TMC1: variants seen among roughly 807,000 people sequenced by gnomAD.
TMC1 encodes the protein transmembrane channel-like protein 1.
TMC1 carries 84 observed loss-of-function variants against 105.8 expected under a neutral mutation model. The observed-to-expected ratio is 0.79, with a 90% confidence interval of 0.67 to 0.95. The LOEUF is 0.95. Among genes scored for constraint, TMC1 ranks in the 40% least tolerant of loss-of-function variants. The pLI is 0.00. For synonymous variants in TMC1, 315 were observed against 311.5 expected, an observed-to-expected ratio of 1.01 and a Z score of -0.12; for missense variants, 817 against 914.1, an observed-to-expected ratio of 0.89 and a Z score of 1.37.
intron 5 of TMC1, among the ~76,000 whole-genome samples, chr9:72,681,336 C>G (rs1465541689): frequency 6.6e-6 from 1 of 151,914 alleles, no homozygotes; most frequent in African/African-American, 2.4e-5. Context: ...TTTTCATAAC[C>G]ACAGAGGGCT....
At chr9:72,743,240 G>A (rs1372160584) in intron 10 of TMC1, among the ~76,000 whole-genome samples, 2 of 150,300 alleles carry the variant, frequency 1.3e-5, no homozygotes, top group Admixed American at 1.3e-4. Context: ...AGTGGCGGGC[G>A]CCTGTAGTCC....
rs776689179 is a variant in TMC1, at chr9:72,772,556, G to A, written c.884+1G>A. ...ACAGCTTTCTGGTTGTCCTCAAAGC[G>A]TAAGTTTCATTTGTCTTTTGGGAAG... On this transcript the variant is annotated splice_donor_variant, in intron 13 of 23. Coordinates refer to ENST00000297784, the MANE Select transcript of TMC1 (RefSeq NM_138691.3). LOFTEE classifies it high-confidence loss of function. 10 of 1,613,744 alleles carry A rather than the reference G, an allele frequency of 6.2e-6. No individual in the cohort carries two copies. Among genetic ancestry groups the A allele is most frequent in the Admixed American group, 5.0e-5 (3 of 59,998 alleles).
chr9:72,688,376 C>T (rs2589616), intron 5 of TMC1, among the ~76,000 whole-genome samples: 33,892 of 151,758 alleles, frequency 0.22, 4,087 homozygotes, highest in East Asian at 0.38. Flanking sequence ...TAAAATAACC[C>T]GACAAACCCC....
At chr9:72,550,724 G>A (rs1823848434) in intron 1 of TMC1, among the ~76,000 whole-genome samples, 1 of 148,878 alleles carries the variant, frequency 6.7e-6, no homozygotes, top group African/African-American at 2.5e-5. Flanking sequence ...GGGGTAAAAA[G>A]GCTGGTGGGT....
intron 17 of TMC1, among the ~76,000 whole-genome samples, chr9:72,801,211 T>A (rs887996351): frequency 6.6e-6 from 1 of 152,216 alleles, no homozygotes; most frequent in East Asian, 1.9e-4. Flanking sequence ...CCCAATGGAT[T>A]TGATAGGTGG....
At chr9:72,598,452 T>C (rs1160564722) in intron 2 of TMC1, among the ~76,000 whole-genome samples, 1 of 152,102 alleles carries the variant, frequency 6.6e-6, no homozygotes, top group Non-Finnish European at 1.5e-5. Flanking sequence ...TTTTTTTTTT[T>C]CTCCCTTAGG....
chr9:72,543,213 A>T (rs1823707239), intron 1 of TMC1, among the ~76,000 whole-genome samples: 1 of 152,070 alleles, frequency 6.6e-6, no homozygotes. Context: ...TTAAGCCAGA[A>T]ATTGGGAACT....
chr9:72,639,897 A>AC (rs1335768332), intron 4 of TMC1, among the ~76,000 whole-genome samples: 1 of 152,130 alleles, frequency 6.6e-6, no homozygotes, highest in African/African-American at 2.4e-5. Context: ...GGCACTACTT[A>AC]CCCCCCAACT....
At chr9:72,547,374 A>C (rs552788467) in intron 1 of TMC1, among the ~76,000 whole-genome samples, 1 of 152,180 alleles carries the variant, frequency 6.6e-6, no homozygotes, top group African/African-American at 2.4e-5. Flanking sequence ...ATACATGAAG[A>C]AACATTTCCA....
intron 1 of TMC1, among the ~76,000 whole-genome samples, chr9:72,572,116 G>A (rs1824297530): frequency 6.6e-6 from 1 of 152,150 alleles, no homozygotes; most frequent in South Asian, 2.1e-4. Flanking sequence ...GATTACAGGT[G>A]TGAGCCACTG....
At chr9:72,596,943 T>C (rs953361872) in intron 2 of TMC1, among the ~76,000 whole-genome samples, 4 of 152,356 alleles carry the variant, frequency 2.6e-5, no homozygotes, top group Admixed American at 1.3e-4. Context: ...AAACCTTAGA[T>C]TCCTACCTCA....
intron 5 of TMC1, among the ~76,000 whole-genome samples, chr9:72,663,881 C>A (rs1215442370): frequency 1.3e-5 from 2 of 152,056 alleles, no homozygotes; most frequent in African/African-American, 4.8e-5. Flanking sequence ...TTTCTATTTT[C>A]ATTTTTTCCC....
intron 2 of TMC1, among the ~76,000 whole-genome samples, chr9:72,604,806 A>C (rs575201891): frequency 6.6e-6 from 1 of 152,368 alleles, no homozygotes; most frequent in African/African-American, 2.4e-5. Context: ...GTTTTGTACA[A>C]TAAGTAGTGA....
At chr9:72,666,157 A>G (rs1826039202) in intron 5 of TMC1, among the ~76,000 whole-genome samples, 1 of 152,198 alleles carries the variant, frequency 6.6e-6, no homozygotes, top group Admixed American at 6.5e-5. Flanking sequence ...GGCTTACGCC[A>G]GTAATCCCAG....
At chr9:72,746,759 A>G (rs1827495879) in intron 10 of TMC1, among the ~76,000 whole-genome samples, 1 of 152,178 alleles carries the variant, frequency 6.6e-6, no homozygotes, top group Middle Eastern at 3.4e-3. Context: ...ATGACTCCCA[A>G]CTCTGTTTCA....
intron 10 of TMC1, among the ~76,000 whole-genome samples, chr9:72,746,626 T>C (rs1827494089): frequency 6.6e-6 from 1 of 152,172 alleles, no homozygotes; most frequent in Admixed American, 6.5e-5. Context: ...TTCCCAAAGC[T>C]CTGTCCAATA....
intron 12 of TMC1, among the ~76,000 whole-genome samples, chr9:72,770,671 C>T (rs1007520837): frequency 6.6e-6 from 1 of 151,904 alleles, no homozygotes; most frequent in East Asian, 1.9e-4. Flanking sequence ...CTCACACAAC[C>T]ATGGAGGCTG....
chr9:72,791,074 G>A (rs1828259355), intron 15 of TMC1, among the ~76,000 whole-genome samples: 1 of 152,044 alleles, frequency 6.6e-6, no homozygotes, highest in Non-Finnish European at 1.5e-5. Flanking sequence ...ATTAGTACAT[G>A]TTTTGGATTC....
intron 13 of TMC1, 49 bp from the exon 14 acceptor site, chr9:72,788,290 C>T (rs1828203296): frequency 4.3e-6 from 7 of 1,609,234 alleles, no homozygotes; most frequent in Non-Finnish European, 4.3e-6. Context: ...TTGCTATTTC[C>T]CCTATCTCAT....
Sources: allele counts gnomAD v4.1 joint callset (sites outside exome capture counted in the v4.1 genomes callset), GRCh38; gene constraint gnomAD v4.1.1; transcripts MANE v1.5; gene names NCBI Gene and HGNC (gene_info 2026-07-23, HGNC 2026-07-21).